The following SLC38A9 variants were observed in gnomAD, a reference collection of about 807,000 sequenced individuals.
SLC38A9 encodes the protein solute carrier family 38 member 9.
SLC38A9 carries 48 observed loss-of-function variants against 62.3 expected under a neutral mutation model. The observed-to-expected ratio is 0.77, with a 90% CI of 0.61 to 0.98. The LOEUF is 0.98. Ranked by LOEUF, SLC38A9 falls within the 50% of genes least tolerant of loss-of-function variation. SLC38A9 has a pLI of 0.00. For synonymous variants in SLC38A9, 204 were observed against 227.7 expected (o/e 0.90, Z 0.94); for missense variants, 541 against 679.8 (o/e 0.80, Z 2.27).
At chr5:55,643,866 A>G (rs538156854) in intron 12 of SLC38A9, among the ~76,000 whole-genome samples, 4 of 152,344 alleles carry the variant, frequency 2.6e-5, no homozygotes, top group Admixed American at 1.3e-4. Context: ...CTTATGTTTA[A>G]TATTTGCATG....
intron 10 of SLC38A9, 94 bp downstream of exon 10, chr5:55,652,435 C>T (rs1747687729): frequency 1.7e-6 from 1 of 580,878 alleles, no homozygotes; most frequent in African/African-American, 1.9e-5. Context: ...GATGAACAGG[C>T]TTGGAAGGTA....
chr5:55,677,481 C>T (rs1008972341), intron 3 of SLC38A9, among the ~76,000 whole-genome samples: 1 of 152,126 alleles, frequency 6.6e-6, no homozygotes, highest in Non-Finnish European at 1.5e-5. Flanking sequence ...ATGGAACTTT[C>T]AGACCAGCTA....
chr5:55,683,834 T>A (rs1753382095), intron 3 of SLC38A9, among the ~76,000 whole-genome samples: 1 of 152,226 alleles, frequency 6.6e-6, no homozygotes. Flanking sequence ...CTCTTATAAA[T>A]CAATTCTAAT....
At chr5:55,643,450 C>T (rs4371709) in intron 12 of SLC38A9, among the ~76,000 whole-genome samples, 1 of 151,972 alleles carries the variant, frequency 6.6e-6, no homozygotes, top group African/African-American at 2.4e-5. Flanking sequence ...TATGACCCAG[C>T]ATATGGTCTA....
intron 14 of SLC38A9, among the ~76,000 whole-genome samples, chr5:55,630,500 T>C (rs1743247911): frequency 6.6e-6 from 1 of 152,068 alleles, no homozygotes; most frequent in Non-Finnish European, 1.5e-5. Flanking sequence ...GTATTTTTAG[T>C]AGAGATGGGG....
In SLC38A9 at chr5:55,664,765, G is replaced by C. The variant is rs1750183532; in HGVS notation, c.625C>G (p.Leu209Val). The change falls in exon 8 of 16, where the codon CTC (leucine) becomes GTC (valine). Residue 209 changes from leucine (L) to valine (V), a missense_variant. Physicochemically the swap from Leu to Val is conservative, Grantham distance 32. Transcript: ENST00000396865. ...CAATAAACTATCATTGCTCCAATGA[G>C]AGACACCAAGGAGAAAAGGAGACTC... is the stretch of plus-strand genomic sequence containing the variant. ...WSSLLFSLVS[L>V]IGAMIVYWVL... 1.3e-6 allele frequency: 2 copies of C among 1,595,748 alleles called. No individual in the cohort carries two copies. The highest frequency in any genetic ancestry group is 1.7e-6 in the Non-Finnish European group (2 of 1,173,342).
At chr5:55,708,343 T>C (rs1757566749) in intron 2 of SLC38A9, among the ~76,000 whole-genome samples, 1 of 152,064 alleles carries the variant, frequency 6.6e-6, no homozygotes, top group Admixed American at 6.6e-5. Flanking sequence ...GAACAAAAAA[T>C]GTTAGTGCCT....
chr5:55,649,826 G>GA (rs911466561), intron 10 of SLC38A9, among the ~76,000 whole-genome samples: 64 of 146,738 alleles, frequency 4.4e-4, no homozygotes, highest in Admixed American at 3.5e-3. Context: ...CATCTCAAAG[G>GA]AAAAAAAAAA....
At chr5:55,679,543 C>T (rs1243121070) in intron 3 of SLC38A9, among the ~76,000 whole-genome samples, 1 of 151,190 alleles carries the variant, frequency 6.6e-6, no homozygotes, top group African/African-American at 2.4e-5. Context: ...TGCTGAGAAT[C>T]TCTTATTTCT....
At chr5:55,673,043 T>A (rs1319594891) in intron 3 of SLC38A9, among the ~76,000 whole-genome samples, 3 of 152,138 alleles carry the variant, frequency 2.0e-5, no homozygotes, top group Non-Finnish European at 4.4e-5. Flanking sequence ...TTGAATAGTC[T>A]CTCAAAAAAG....
At chr5:55,645,508 A>G (rs1746181173) in intron 12 of SLC38A9, among the ~76,000 whole-genome samples, 1 of 152,220 alleles carries the variant, frequency 6.6e-6, no homozygotes, top group South Asian at 2.1e-4. Flanking sequence ...AAACAATGCC[A>G]TCACCCATTT....
intron 9 of SLC38A9, 47 bp downstream of exon 9, chr5:55,656,668 G>A (rs1413638511): frequency 1.5e-6 from 2 of 1,296,054 alleles, no homozygotes; most frequent in Admixed American, 1.7e-5. Context: ...ATCCTTTTTG[G>A]AGCAAGGTGG....
At chr5:55,647,741 TTAAC>T (rs1746645860) in intron 11 of SLC38A9, among the ~76,000 whole-genome samples, 1 of 152,194 alleles carries the variant, frequency 6.6e-6, no homozygotes, top group South Asian at 2.1e-4. Context: ...CTTTTTCCCA[TTAAC>T]TAACAAAAGC....
rs376520502 is a variant in SLC38A9 at position 55,626,483 on chromosome 5, G to C, written c.*11C>G. 3 of 1,605,784 alleles carry C rather than the reference G, an allele frequency of 1.9e-6. No individual in the cohort carries two copies. In the East Asian group the frequency reaches 6.7e-5, roughly 36 times the overall value. ...ATCATGAGAGCTCTTGAAAAAAACAGTTGAGGTATTTCACATAAAAAACTG... is the reference window on the plus strand; with the variant it reads ...ATCATGAGAGCTCTTGAAAAAAACACTTGAGGTATTTCACATAAAAAACTG... On this transcript the variant is annotated 3_prime_UTR_variant, in exon 16 of 16. Coordinates refer to ENST00000396865, the MANE Select transcript of SLC38A9 (RefSeq NM_173514.4).
intron 2 of SLC38A9, among the ~76,000 whole-genome samples, chr5:55,698,735 C>T (rs1474579265): frequency 1.3e-5 from 2 of 152,122 alleles, no homozygotes; most frequent in Non-Finnish European, 2.9e-5. Context: ...CTGAGATTAG[C>T]CTGGGCAAAA....
chr5:55,693,096 G>T, intron 3 of SLC38A9: 1 of 681,964 alleles, frequency 1.5e-6, no homozygotes, highest in Non-Finnish European at 1.8e-6. Flanking sequence ...GGATTCTGTT[G>T]ACATTAAGGA....
intron 8 of SLC38A9, among the ~76,000 whole-genome samples, chr5:55,660,798 T>TG (rs766527314): frequency 5.2e-4 from 79 of 151,846 alleles, no homozygotes; most frequent in African/African-American, 1.5e-3. Context: ...TAAAATTTCA[T>TG]GGGGGGGGTG....
intron 8 of SLC38A9, among the ~76,000 whole-genome samples, chr5:55,661,574 C>T (rs192712637): frequency 6.6e-6 from 1 of 151,540 alleles, no homozygotes; most frequent in African/African-American, 2.4e-5. Context: ...AATTACTATA[C>T]GGTGTACCAA....
chr5:55,674,849 A>C (rs954747826), intron 3 of SLC38A9, among the ~76,000 whole-genome samples: 9 of 152,212 alleles, frequency 5.9e-5, no homozygotes, highest in Admixed American at 1.3e-4. Context: ...TATGATGTCC[A>C]ATATAATTTG....
Sources: allele counts gnomAD v4.1 joint callset (sites outside exome capture counted in the v4.1 genomes callset), GRCh38; gene constraint gnomAD v4.1.1; transcripts MANE v1.5; gene names NCBI Gene and HGNC (gene_info 2026-07-23, HGNC 2026-07-21).